Variants in DPYSL3 observed in about 807,000 individuals in gnomAD.
DPYSL3 encodes dihydropyrimidinase-related protein 3.
In DPYSL3, 16 loss-of-function variants were observed where a neutral mutation model predicts 66.1. The observed-to-expected ratio is 0.24, with a 90% CI of 0.16 to 0.37. The LOEUF (loss-of-function observed/expected upper bound fraction) is 0.37. DPYSL3 is among the 10% of genes least tolerant of loss of function. The pLI is 1.00. For synonymous variants in DPYSL3, 338 were observed against 345.1 expected (o/e 0.98, Z 0.23); for missense variants, 738 against 916.2 (o/e 0.81, Z 2.51).
chr5:147,465,452 G>A lies in DPYSL3; in HGVS notation c.382-40489C>T, dbSNP rs563342994. 1.4e-4 allele frequency among the ~76,000 whole-genome samples: 21 copies of A among 152,020 alleles called. No individual in the cohort carries two copies. The East Asian group carries it at 2.1e-3, about 16-fold the overall frequency. ...GTAGCTGGGAATACAGGTGCCTGCC[G>A]CCACGCCTGGCTAATTTTTGTATTT... On this transcript the variant is annotated intron_variant, in intron 1 of 13. Coordinates refer to ENST00000343218, the MANE Select transcript of DPYSL3 (RefSeq NM_001197294.2).
At chr5:147,412,507 T>C (rs1178675902) in intron 6 of DPYSL3, 101 bp downstream of exon 6, 16 of 1,163,852 alleles carry the variant, frequency 1.4e-5, no homozygotes, top group Non-Finnish European at 1.0e-5. Flanking sequence ...GTACTTATGA[T>C]GGTGCCTTGC....
intron 1 of DPYSL3, among the ~76,000 whole-genome samples, chr5:147,458,181 A>C (rs1247793969): frequency 1.3e-5 from 2 of 152,164 alleles, no homozygotes; most frequent in African/African-American, 4.8e-5. Context: ...AGGCATTCTA[A>C]GTCACAGGAT....
chr5:147,490,207 G>A (rs974592697), intron 1 of DPYSL3, among the ~76,000 whole-genome samples: 2 of 152,106 alleles, frequency 1.3e-5, no homozygotes, highest in Non-Finnish European at 2.9e-5. Flanking sequence ...TGCCCCTAAA[G>A]TTTGAAGTAG....
intron 7 of DPYSL3, among the ~76,000 whole-genome samples, chr5:147,407,758 C>A (rs1311523263): frequency 6.6e-6 from 1 of 152,054 alleles, no homozygotes; most frequent in Non-Finnish European, 1.5e-5. Flanking sequence ...GTGACTGGAA[C>A]CCTAATCACA....
intron 2 of DPYSL3, among the ~76,000 whole-genome samples, chr5:147,421,348 C>T (rs181390076): frequency 6.6e-6 from 1 of 152,156 alleles, no homozygotes; most frequent in Non-Finnish European, 1.5e-5. Flanking sequence ...TAATCCACTG[C>T]TCAAGGAAAT....
chr5:147,422,127 T>C (rs1294412948), intron 2 of DPYSL3, among the ~76,000 whole-genome samples: 1 of 152,004 alleles, frequency 6.6e-6, no homozygotes. Flanking sequence ...ACCCAGAATC[T>C]ACAAGGAACT....
At chr5:147,406,631 T>C (rs1023271839) in intron 7 of DPYSL3, among the ~76,000 whole-genome samples, 4 of 152,208 alleles carry the variant, frequency 2.6e-5, no homozygotes, top group Non-Finnish European at 5.9e-5. Flanking sequence ...TTATTGTTGA[T>C]AATATTTTCT....
intron 1 of DPYSL3, among the ~76,000 whole-genome samples, chr5:147,508,407 AG>A: frequency 6.6e-6 from 1 of 152,340 alleles, no homozygotes; most frequent in East Asian, 1.9e-4. Context: ...TTTCCATTTC[AG>A]GTTGTTATTC....
At chr5:147,433,649 G>A (rs1045090021) in intron 1 of DPYSL3, among the ~76,000 whole-genome samples, 1 of 152,090 alleles carries the variant, frequency 6.6e-6, no homozygotes, top group Non-Finnish European at 1.5e-5. Flanking sequence ...TTCTAAAAAG[G>A]TACATTTATA....
intron 2 of DPYSL3, among the ~76,000 whole-genome samples, chr5:147,422,181 A>G (rs1300385491): frequency 2.5e-4 from 38 of 152,268 alleles, no homozygotes; most frequent in Non-Finnish European, 2.5e-4. Flanking sequence ...CATCAAAAAA[A>G]TGGGCAAAGG....
intron 1 of DPYSL3, among the ~76,000 whole-genome samples, chr5:147,466,719 G>T (rs1375566973): frequency 6.6e-6 from 1 of 152,174 alleles, no homozygotes; most frequent in Non-Finnish European, 1.5e-5. Context: ...ATCCCACTTT[G>T]TATTTTGCAG....
At chr5:147,428,412 T>C (rs556459097) in intron 1 of DPYSL3, among the ~76,000 whole-genome samples, 5 of 152,170 alleles carry the variant, frequency 3.3e-5, no homozygotes, top group South Asian at 4.1e-4. Context: ...CCACTATAAA[T>C]GGCGGCCTAG....
At position 147,477,561 on chromosome 5, in the gene DPYSL3, CTTTTTTTTTTTTTT is replaced by C. The variant is rs56406515; in HGVS notation, c.381+31903_381+31916del. Among the ~76,000 whole-genome samples the C allele has an allele frequency of 1.5e-4, 10 of 64,764 alleles. 1 individual carries two copies. The South Asian group carries it at 2.4e-3, about 15-fold the overall frequency. 42.5% of individuals were successfully genotyped at this position (64,764 alleles called of 152,430 possible). A position where few individuals can be genotyped will look rare whatever the true frequency, so the allele number is the denominator to read the frequency against. Reference sequence around the variant, plus strand: ...GAAGGAAAAATAAAAACACCTAAATCTTTTTTTTTTTTTTTTTTTTTTTTTTTTTTTTGAGACGG... The same window carrying C: ...GAAGGAAAAATAAAAACACCTAAATCTTTTTTTTTTTTTTTTTTGAGACGG... On this transcript the variant is annotated intron_variant, in intron 1 of 13. Coordinates refer to ENST00000343218, the MANE Select transcript of DPYSL3 (RefSeq NM_001197294.2).
At chr5:147,408,682 T>C (rs772608505) in intron 7 of DPYSL3, 46 bp downstream of exon 7, 2 of 1,594,104 alleles carry the variant, frequency 1.3e-6, no homozygotes, top group East Asian at 4.5e-5. Flanking sequence ...CTTTTAACAA[T>C]GTTTATTCAT....
At chr5:147,424,585 C>T (rs974701712) in intron 2 of DPYSL3, among the ~76,000 whole-genome samples, 6 of 152,130 alleles carry the variant, frequency 3.9e-5, no homozygotes, top group East Asian at 1.9e-4. Flanking sequence ...TCACTTATCC[C>T]GACTTCAACT....
intron 12 of DPYSL3, among the ~76,000 whole-genome samples, chr5:147,397,187 T>C (rs1486345944): frequency 7.9e-6 from 1 of 127,040 alleles, no homozygotes; most frequent in Admixed American, 8.2e-5. Flanking sequence ...TATATATATA[T>C]ATACACACAT....
intron 1 of DPYSL3, among the ~76,000 whole-genome samples, chr5:147,481,091 G>A (rs993469301): frequency 6.6e-5 from 10 of 152,140 alleles, no homozygotes; most frequent in African/African-American, 1.7e-4. Flanking sequence ...AATTTCATAC[G>A]CATTATTTCA....
intron 1 of DPYSL3, among the ~76,000 whole-genome samples, chr5:147,438,467 C>T (rs1287593509): frequency 6.6e-6 from 1 of 152,172 alleles, no homozygotes; most frequent in Non-Finnish European, 1.5e-5. Flanking sequence ...CAATAAAGAT[C>T]TAAGGCTTTA....
At chr5:147,433,172 G>T (rs999497749) in intron 1 of DPYSL3, among the ~76,000 whole-genome samples, 67 of 152,202 alleles carry the variant, frequency 4.4e-4, no homozygotes, top group African/African-American at 1.4e-3. Flanking sequence ...TGAAGTATAG[G>T]TCCATATGTG....
Sources: allele counts gnomAD v4.1 joint callset (sites outside exome capture counted in the v4.1 genomes callset), GRCh38; gene constraint gnomAD v4.1.1; transcripts MANE v1.5; gene names NCBI Gene and HGNC (gene_info 2026-07-23, HGNC 2026-07-21).